The following PSMD1 variants were observed in gnomAD, a reference collection of about 807,000 sequenced individuals.
PSMD1 encodes the protein proteasome 26S subunit, non-ATPase 1.
A neutral mutation model predicts 119.0 loss-of-function variants in PSMD1; 18 were observed. That is an observed-to-expected ratio of 0.15 (90% CI 0.10 to 0.22). PSMD1 has a LOEUF of 0.22. Ranked by LOEUF, PSMD1 falls within the 10% of genes least tolerant of loss-of-function variation. PSMD1 has a pLI of 1.00. For synonymous variants in PSMD1, 374 were observed against 396.6 expected (o/e 0.94, Z 0.68); for missense variants, 702 against 1,158.5 (o/e 0.61, Z 5.72).
At chr2:231,085,906 C>G (rs1040862342) in intron 15 of PSMD1, among the ~76,000 whole-genome samples, 1 of 152,108 alleles carries the variant, frequency 6.6e-6, no homozygotes, top group Admixed American at 6.5e-5. Flanking sequence ...CTATTGTTAA[C>G]TCCTTTTTCC....
intron 16 of PSMD1, among the ~76,000 whole-genome samples, chr2:231,114,307 T>C (rs936121654): frequency 6.6e-6 from 1 of 152,196 alleles, no homozygotes; most frequent in African/African-American, 2.4e-5. Flanking sequence ...AAGTAGCTGT[T>C]GTATAAAAAG....
chr2:231,060,411 C>G (rs1433182663), intron 1 of PSMD1: 3 of 152,218 alleles, frequency 2.0e-5, no homozygotes, highest in African/African-American at 7.2e-5. Flanking sequence ...ACAGTTTCAA[C>G]TCGGTGTTCT....
chr2:231,162,879 C>T (rs1055580265), intron 20 of PSMD1, among the ~76,000 whole-genome samples: 2 of 148,840 alleles, frequency 1.3e-5, no homozygotes, highest in Non-Finnish European at 3.0e-5. Flanking sequence ...GGGTGGATCA[C>T]GAGGTCAGGA....
At chr2:231,089,281 G>A (rs745746655) in intron 16 of PSMD1, among the ~76,000 whole-genome samples, 1 of 152,176 alleles carries the variant, frequency 6.6e-6, no homozygotes, top group Non-Finnish European at 1.5e-5. Flanking sequence ...GATGAAGGTG[G>A]CTATCCTAAA....
At chr2:231,119,593 AG>A (rs1483533780) in intron 16 of PSMD1, among the ~76,000 whole-genome samples, 1 of 152,102 alleles carries the variant, frequency 6.6e-6, no homozygotes, top group Non-Finnish European at 1.5e-5. Context: ...AGTTATAGCC[AG>A]GTTTGGTGGC....
chr2:231,082,870 G>A lies in PSMD1; in HGVS notation c.1414-13G>A. On this transcript the variant is annotated splice_polypyrimidine_tract_variant and intron_variant, in intron 12 of 24. Transcript: ENST00000308696. Reference sequence around the variant, plus strand: ...AGTGTACCAAATCAATGGAATCTATGTTTTTTCCTTAGATCGTTAGACACG... The same window carrying A: ...AGTGTACCAAATCAATGGAATCTATATTTTTTCCTTAGATCGTTAGACACG... The A allele has an allele frequency of 3.1e-6, 5 of 1,598,914 alleles. No individual in the cohort carries two copies. Among genetic ancestry groups the A allele is most frequent in the Non-Finnish European group, 4.3e-6 (5 of 1,166,870 alleles).
At chr2:231,141,916 T>C (rs1177576696) in intron 17 of PSMD1, among the ~76,000 whole-genome samples, 1 of 151,948 alleles carries the variant, frequency 6.6e-6, no homozygotes, top group Non-Finnish European at 1.5e-5. Flanking sequence ...GGAGTCTCAC[T>C]CTGTCACCCA....
intron 1 of PSMD1, among the ~76,000 whole-genome samples, chr2:231,057,662 C>T (rs895742722): frequency 3.9e-5 from 6 of 152,256 alleles, no homozygotes; most frequent in Admixed American, 6.5e-5. Context: ...TACTTATACC[C>T]TTTCGAGGTT....
intron 16 of PSMD1, among the ~76,000 whole-genome samples, chr2:231,097,894 A>G (rs1694762530): frequency 6.7e-6 from 1 of 149,932 alleles, no homozygotes; most frequent in South Asian, 2.1e-4. Context: ...GTGTCCAGCA[A>G]AGGTCCACCA....
At chr2:231,155,448 C>T (rs912360787) in intron 19 of PSMD1, among the ~76,000 whole-genome samples, 2 of 151,552 alleles carry the variant, frequency 1.3e-5, no homozygotes, top group African/African-American at 4.8e-5. Context: ...TTAATCATAC[C>T]ACAGTTTTCA....
chr2:231,101,049 C>T (rs773979914), intron 16 of PSMD1, among the ~76,000 whole-genome samples: 1 of 152,096 alleles, frequency 6.6e-6, no homozygotes, highest in African/African-American at 2.4e-5. Context: ...AGGGGGTTGC[C>T]GGCACTAGGG....
At chr2:231,058,649 C>T (rs1693673495) in intron 1 of PSMD1, among the ~76,000 whole-genome samples, 1 of 152,032 alleles carries the variant, frequency 6.6e-6, no homozygotes, top group Admixed American at 6.6e-5. Flanking sequence ...CAGTAAAATC[C>T]AGACTCTTAA....
At chr2:231,078,787 T>A (rs1440623232) in intron 10 of PSMD1, 40 bp downstream of exon 10, 1 of 1,227,902 alleles carries the variant, frequency 8.1e-7, no homozygotes, top group African/African-American at 1.6e-5. Flanking sequence ...TTCAAAATCT[T>A]TTTCTTTTTT....
chr2:231,133,232 G>A (rs1014377821), intron 16 of PSMD1, among the ~76,000 whole-genome samples: 4 of 152,014 alleles, frequency 2.6e-5, no homozygotes, highest in Non-Finnish European at 5.9e-5. Flanking sequence ...CCACAGATGC[G>A]CGCCACCACA....
intron 22 of PSMD1, among the ~76,000 whole-genome samples, chr2:231,165,515 A>G (rs1176993507): frequency 6.6e-6 from 1 of 152,196 alleles, no homozygotes; most frequent in Admixed American, 6.5e-5. Context: ...GGAGCAAATG[A>G]CAACTAAAAT....
intron 4 of PSMD1, among the ~76,000 whole-genome samples, chr2:231,064,473 C>T (rs1693847161): frequency 6.6e-6 from 1 of 152,288 alleles, no homozygotes; most frequent in Admixed American, 6.5e-5. Context: ...ATACATTTTT[C>T]CCCTTCAGTT....
intron 16 of PSMD1, among the ~76,000 whole-genome samples, chr2:231,112,208 A>T (rs1695177616): frequency 6.6e-6 from 1 of 152,090 alleles, no homozygotes; most frequent in Non-Finnish European, 1.5e-5. Flanking sequence ...GAGCTTACCA[A>T]ATGTGAGTCA....
intron 4 of PSMD1, among the ~76,000 whole-genome samples, chr2:231,064,922 A>C (rs1020198777): frequency 4.0e-5 from 6 of 151,866 alleles, no homozygotes; most frequent in Non-Finnish European, 8.8e-5. Flanking sequence ...TCGGCTTCCC[A>C]AGATTTTGGG....
chr2:231,062,118 A>G (rs371658168), intron 2 of PSMD1, 130 bp from the exon 3 acceptor site: 2 of 595,454 alleles, frequency 3.4e-6, no homozygotes, highest in African/African-American at 1.9e-5. Flanking sequence ...GTAAATTTTT[A>G]TATTTGTCAT....
Sources: allele counts gnomAD v4.1 joint callset (sites outside exome capture counted in the v4.1 genomes callset), GRCh38; gene constraint gnomAD v4.1.1; transcripts MANE v1.5; gene names NCBI Gene and HGNC (gene_info 2026-07-23, HGNC 2026-07-21).